PSD3: variants seen among roughly 807,000 people sequenced by gnomAD.
The protein encoded by PSD3 is PH and SEC7 domain-containing protein 3.
PSD3 carries 49 observed loss-of-function variants against 105.5 expected under a neutral mutation model. The ratio of observed to expected loss-of-function variants is 0.46; its 90% CI spans 0.37 to 0.59. The LOEUF is 0.59. Ranked by LOEUF, PSD3 falls within the 20% of genes least tolerant of loss-of-function variation. The pLI, the probability that PSD3 is intolerant of heterozygous loss-of-function variation, is 0.00. For synonymous variants in PSD3, 557 were observed against 457.8 expected (o/e 1.22, Z -2.77); for missense variants, 1,561 against 1,263.8 (o/e 1.24, Z -3.57).
chr8:18,763,063 A>T (rs776368115), intron 9 of PSD3: 13 of 504,562 alleles, frequency 2.6e-5, no homozygotes, highest in Non-Finnish European at 4.8e-5. Context: ...AAATGTTTCC[A>T]GCTACAAAAT....
chr8:18,665,816 A>C (rs562231810), intron 9 of PSD3, among the ~76,000 whole-genome samples: 3 of 152,200 alleles, frequency 2.0e-5, no homozygotes, highest in East Asian at 1.9e-4. Context: ...GTGCCACTGC[A>C]CTTCAGCCTG....
intron 1 of PSD3, among the ~76,000 whole-genome samples, chr8:19,029,463 G>T (rs557633378): frequency 1.7e-4 from 26 of 152,170 alleles, no homozygotes; most frequent in Non-Finnish European, 3.7e-4. Flanking sequence ...AGTTCAGCAT[G>T]ACTGGGGAGG....
chr8:18,560,201 C>CACACACAT (rs1278556397), intron 14 of PSD3, among the ~76,000 whole-genome samples: 2 of 151,426 alleles, frequency 1.3e-5, no homozygotes, highest in Non-Finnish European at 2.9e-5. Flanking sequence ...CACACACACA[C>CACACACAT]ACACACACAA....
At chr8:18,813,769 G>A (rs1811926649) in intron 4 of PSD3, among the ~76,000 whole-genome samples, 1 of 152,052 alleles carries the variant, frequency 6.6e-6, no homozygotes, top group African/African-American at 2.4e-5. Flanking sequence ...AACCCTTAAG[G>A]TTTTTAGCTA....
intron 8 of PSD3, among the ~76,000 whole-genome samples, chr8:18,790,783 G>A (rs990918693): frequency 2.0e-5 from 3 of 151,808 alleles, no homozygotes; most frequent in African/African-American, 7.3e-5. Flanking sequence ...AAGCTGCAGG[G>A]ATGACGGCCT....
chr8:18,930,193 G>A (rs566940421), intron 2 of PSD3, among the ~76,000 whole-genome samples: 2 of 152,306 alleles, frequency 1.3e-5, no homozygotes, highest in Admixed American at 1.3e-4. Context: ...TGAGTGGGTA[G>A]GGGTCAAGAG....
chr8:18,727,503 C>A (rs1328834556), intron 9 of PSD3, among the ~76,000 whole-genome samples: 1 of 144,520 alleles, frequency 6.9e-6, no homozygotes, highest in Non-Finnish European at 1.5e-5. Context: ...GAGCAAGATT[C>A]CATCTCAATC....
chr8:18,891,610 A>G (rs17127410), intron 2 of PSD3, among the ~76,000 whole-genome samples: 24,460 of 151,476 alleles, frequency 0.16, 2,226 homozygotes, highest in Admixed American at 0.28. Flanking sequence ...TCCAACATCC[A>G]ACACCTGCAC....
At chr8:18,632,337 G>A (rs1429281875) in intron 11 of PSD3, among the ~76,000 whole-genome samples, 2 of 152,040 alleles carry the variant, frequency 1.3e-5, no homozygotes, top group Non-Finnish European at 2.9e-5. Context: ...CAGGTAGTCA[G>A]TATTATTTGT....
At chr8:18,710,714 C>G (rs1802200425) in intron 9 of PSD3, among the ~76,000 whole-genome samples, 1 of 151,940 alleles carries the variant, frequency 6.6e-6, no homozygotes, top group African/African-American at 2.4e-5. Context: ...TGGAGTCTCT[C>G]TCTGTCGCCA....
chr8:18,639,763 T>TAAAGCCCA (rs1807510388), intron 10 of PSD3, among the ~76,000 whole-genome samples: 1 of 152,154 alleles, frequency 6.6e-6, no homozygotes, highest in South Asian at 2.1e-4. Flanking sequence ...TTGTGGCATT[T>TAAAGCCCA]TGTTATGGCA....
At chr8:18,821,482 G>A (rs1812698590) in intron 4 of PSD3, among the ~76,000 whole-genome samples, 3 of 151,910 alleles carry the variant, frequency 2.0e-5, no homozygotes, top group Admixed American at 2.0e-4. Flanking sequence ...TGAAATTTGC[G>A]TGAATTAGTT....
intron 1 of PSD3, among the ~76,000 whole-genome samples, chr8:18,971,902 G>T (rs1824673857): frequency 6.6e-6 from 1 of 152,112 alleles, no homozygotes; most frequent in African/African-American, 2.4e-5. Context: ...CTCCTCAGGA[G>T]GCTGAGGTAG....
chr8:18,995,666 G>C (rs1826037826), intron 1 of PSD3, among the ~76,000 whole-genome samples: 1 of 152,070 alleles, frequency 6.6e-6, no homozygotes, highest in Non-Finnish European at 1.5e-5. Flanking sequence ...TTGATGCACA[G>C]CTCAGCTTGA....
intron 2 of PSD3, among the ~76,000 whole-genome samples, chr8:18,932,499 C>A (rs1005494275): frequency 2.0e-4 from 30 of 152,224 alleles, no homozygotes; most frequent in African/African-American, 7.2e-4. Context: ...CATCAAATAA[C>A]TTCCAATTAC....
intron 8 of PSD3, among the ~76,000 whole-genome samples, chr8:18,791,975 T>C (rs950089758): frequency 2.6e-5 from 4 of 152,178 alleles, no homozygotes; most frequent in African/African-American, 9.6e-5. Context: ...ACAACCTTAA[T>C]ATCACTGATC....
At chr8:18,798,126 A>C (rs1810352011) in intron 8 of PSD3, among the ~76,000 whole-genome samples, 1 of 152,178 alleles carries the variant, frequency 6.6e-6, no homozygotes, top group Admixed American at 6.5e-5. Context: ...AGTCATGTCA[A>C]GATTCACACT....
At chr8:18,851,296 A>C (rs1268172345) in intron 4 of PSD3, among the ~76,000 whole-genome samples, 1 of 152,218 alleles carries the variant, frequency 6.6e-6, no homozygotes, top group Admixed American at 6.5e-5. Context: ...TTGAGCCTAC[A>C]TCTTCCAACT....
chr8:18,647,837 A>G lies in PSD3; in HGVS notation c.2216+7805T>C, dbSNP rs115894990. Among the ~76,000 whole-genome samples, 632 of 152,232 alleles carry G rather than the reference A, an allele frequency of 4.2e-3. 3 individuals are homozygous for G. Among genetic ancestry groups the G allele is most frequent in the African/African-American group, 0.015 (615 of 41,546 alleles). ...TGATAGTGAGTGAGTGAGTTAAGTC[A>G]TCATGAGATCTGGTTGTTTAAAGGT... On this transcript the variant is annotated intron_variant, in intron 10 of 15. Transcript: ENST00000327040.
Sources: allele counts gnomAD v4.1 joint callset (sites outside exome capture counted in the v4.1 genomes callset), GRCh38; gene constraint gnomAD v4.1.1; transcripts MANE v1.5; gene names NCBI Gene and HGNC (gene_info 2026-07-23, HGNC 2026-07-21).